Variants in SGMS1 observed in about 807,000 individuals in gnomAD.
The protein encoded by SGMS1 is phosphatidylcholine:ceramide cholinephosphotransferase 1.
Under a neutral mutation model 46.2 loss-of-function variants are expected in SGMS1, and 13 were observed. The observed-to-expected ratio is 0.28, with a 90% CI of 0.18 to 0.45. The LOEUF (loss-of-function observed/expected upper bound fraction) is 0.45, where lower values mean the gene tolerates loss of function less well. SGMS1 is among the 20% of genes least tolerant of loss of function. The pLI, the probability that SGMS1 is intolerant of heterozygous loss-of-function variation, is 1.00. For synonymous variants in SGMS1, 203 were observed against 187.8 expected (o/e 1.08, Z -0.66); for missense variants, 324 against 519.9 (o/e 0.62, Z 3.66).
intron 6 of SGMS1, among the ~76,000 whole-genome samples, chr10:50,381,895 C>T (rs1002342365): frequency 2.0e-5 from 3 of 152,182 alleles, no homozygotes; most frequent in African/African-American, 7.2e-5. Context: ...GAAATCATAA[C>T]CAGCTGGCTG....
At chr10:50,473,656 A>T (rs750605201) in intron 3 of SGMS1, among the ~76,000 whole-genome samples, 1 of 152,234 alleles carries the variant, frequency 6.6e-6, no homozygotes, top group Non-Finnish European at 1.5e-5. Context: ...GATAACAGGA[A>T]ATGTTTTTAA....
At chr10:50,533,483 C>T (rs1421892404) in intron 2 of SGMS1, among the ~76,000 whole-genome samples, 1 of 152,082 alleles carries the variant, frequency 6.6e-6, no homozygotes, top group East Asian at 1.9e-4. Context: ...TCTGAAAGAT[C>T]AGTGAACAAA....
At chr10:50,624,034 GCGGCCGGGGGGGCGGGC>G, upstream of SGMS1, 3 of 985,496 alleles carry the variant, frequency 3.0e-6, no homozygotes, top group South Asian at 4.7e-5. Context: ...GGTGTTCACT[GCGGCCGGGGGGGCGGGC>G]CGGCCGGGCG....
chr10:50,606,979 CT>C lies in SGMS1; in HGVS notation c.-684+16727del, dbSNP rs1156272339. Among the ~76,000 whole-genome samples, 817 of 138,640 alleles carry C rather than the reference CT, an allele frequency of 5.9e-3. 1 individual carries two copies. Among genetic ancestry groups the C allele is most frequent in the Middle Eastern group, 7.3e-3 (2 of 274 alleles). 91.0% of individuals were successfully genotyped at this position (138,640 alleles called of 152,430 possible). The stretch of plus-strand genomic sequence containing the variant: ...AACAAAGCTCAGCTCTAGCATTGTA[CT>C]TTTTTTTTTTTTTTTTGAAACAAGG... On this transcript the variant is annotated intron_variant, in intron 1 of 10. Coordinates refer to ENST00000361781, the MANE Select transcript of SGMS1 (RefSeq NM_147156.4).
At chr10:50,455,111 A>G (rs971852738) in intron 5 of SGMS1, among the ~76,000 whole-genome samples, 1 of 152,144 alleles carries the variant, frequency 6.6e-6, no homozygotes, top group East Asian at 1.9e-4. Flanking sequence ...AGTGCCAGGC[A>G]TGAGGTAGAG....
intron 3 of SGMS1, among the ~76,000 whole-genome samples, chr10:50,503,934 A>G (rs1002292985): frequency 2.6e-5 from 4 of 152,228 alleles, no homozygotes; most frequent in Admixed American, 1.3e-4. Context: ...AGTTTTGTAC[A>G]GAGAAAAAAT....
chr10:50,533,102 T>C (rs573975781), intron 2 of SGMS1, among the ~76,000 whole-genome samples: 80 of 152,336 alleles, frequency 5.3e-4, no homozygotes, highest in African/African-American at 1.5e-3. Flanking sequence ...AGAGTAAACA[T>C]AGAATATTTT....
chr10:50,358,648 C>T (rs1409417853), intron 6 of SGMS1, among the ~76,000 whole-genome samples: 5 of 152,210 alleles, frequency 3.3e-5, no homozygotes, highest in Non-Finnish European at 5.9e-5. Context: ...GAGATCCTGT[C>T]ACTGCACTCC....
chr10:50,514,343 T>A (rs1480796808), intron 3 of SGMS1, among the ~76,000 whole-genome samples: 3 of 152,188 alleles, frequency 2.0e-5, no homozygotes, highest in African/African-American at 7.2e-5. Context: ...TTCTTCCTTA[T>A]AACAAAACCG....
At chr10:50,428,191 A>G (rs1016996662) in intron 6 of SGMS1, among the ~76,000 whole-genome samples, 23 of 152,136 alleles carry the variant, frequency 1.5e-4, no homozygotes, top group Admixed American at 1.3e-3. Context: ...AGCTGTGGAC[A>G]TGGAGTCCAC....
At chr10:50,356,304 A>C (rs559922587) in intron 6 of SGMS1, among the ~76,000 whole-genome samples, 162 of 152,358 alleles carry the variant, frequency 1.1e-3, no homozygotes, top group African/African-American at 3.3e-3. Flanking sequence ...ACTAAGGGTT[A>C]AATGGATTAA....
intron 8 of SGMS1, among the ~76,000 whole-genome samples, chr10:50,323,147 C>T (rs1433325725): frequency 3.9e-5 from 6 of 152,088 alleles, no homozygotes; most frequent in East Asian, 3.9e-4. Context: ...TTTCTCTGAG[C>T]GATTATATTT....
At chr10:50,622,368 C>T (rs1838860363) in intron 1 of SGMS1, among the ~76,000 whole-genome samples, 1 of 152,188 alleles carries the variant, frequency 6.6e-6, no homozygotes, top group African/African-American at 2.4e-5. Flanking sequence ...AGTCCCACTC[C>T]TCTCCTTCGG....
chr10:50,512,569 T>A (rs1183368874), intron 3 of SGMS1, among the ~76,000 whole-genome samples: 1 of 152,146 alleles, frequency 6.6e-6, no homozygotes, highest in African/African-American at 2.4e-5. Context: ...TGCCAGTCCA[T>A]GAGGGCTGGG....
intron 6 of SGMS1, among the ~76,000 whole-genome samples, chr10:50,379,211 T>C (rs1261116839): frequency 6.6e-6 from 1 of 152,182 alleles, no homozygotes; most frequent in African/African-American, 2.4e-5. Context: ...TGAGTCAAGA[T>C]GTGTGTTCAA....
At chr10:50,488,205 G>T (rs992242780) in intron 3 of SGMS1, among the ~76,000 whole-genome samples, 8 of 151,860 alleles carry the variant, frequency 5.3e-5, no homozygotes, top group African/African-American at 1.7e-4. Flanking sequence ...GTAGAGACGG[G>T]TTTTCATCTT....
intron 7 of SGMS1, among the ~76,000 whole-genome samples, chr10:50,333,003 A>G (rs534137679): frequency 1.3e-5 from 2 of 152,184 alleles, no homozygotes; most frequent in Non-Finnish European, 2.9e-5. Context: ...GGCCTCTCAC[A>G]TGATTATGTC....
At chr10:50,347,932 A>G (rs1484366659) in intron 6 of SGMS1, among the ~76,000 whole-genome samples, 3 of 152,180 alleles carry the variant, frequency 2.0e-5, no homozygotes, top group East Asian at 3.9e-4. Flanking sequence ...ACTTAGGTAT[A>G]CATGTGCCAT....
At chr10:50,443,066 A>G (rs1218464999) in intron 5 of SGMS1, among the ~76,000 whole-genome samples, 4 of 152,224 alleles carry the variant, frequency 2.6e-5, no homozygotes, top group African/African-American at 4.8e-5. Flanking sequence ...TGTTTATCTC[A>G]TAAGTTTAGA....
Sources: gnomAD v4.1 joint callset for allele counts (sites outside exome capture counted in the v4.1 genomes callset) on GRCh38, gnomAD v4.1.1 for gene constraint, MANE v1.5 for transcripts, NCBI Gene and HGNC (gene_info 2026-07-23, HGNC 2026-07-21) for gene names.